PCCB: variants seen among roughly 807,000 people sequenced by gnomAD.
PCCB encodes the protein propionyl-CoA carboxylase subunit beta, also known as propionyl-CoA carboxylase beta chain, mitochondrial.
PCCB carries 43 observed loss-of-function variants against 60.7 expected under a neutral mutation model. The observed-to-expected ratio is 0.71, with a 90% CI of 0.55 to 0.91. PCCB has a LOEUF of 0.91. Ranked by LOEUF, PCCB falls within the 40% of genes least tolerant of loss-of-function variation. PCCB has a pLI of 0.00. For synonymous variants in PCCB, 276 were observed against 255.9 expected (o/e 1.08, Z -0.75); for missense variants, 766 against 702.8 (o/e 1.09, Z -1.02).
intron 8 of PCCB, among the ~76,000 whole-genome samples, chr3:136,299,861 T>G (rs552849052): frequency 6.6e-6 from 1 of 151,432 alleles, no homozygotes; most frequent in East Asian, 2.0e-4. Context: ...CATGCATATG[T>G]ATGTATATGC....
At chr3:136,252,289 A>T (rs772058563) in intron 1 of PCCB, 2 of 451,388 alleles carry the variant, frequency 4.4e-6, no homozygotes, top group Non-Finnish European at 8.9e-6. Context: ...GACAGAGTTC[A>T]CTCTGTTGCC....
chr3:136,317,165 C>A, intron 10 of PCCB, 101 bp downstream of exon 10: 3 of 1,083,336 alleles, frequency 2.8e-6, no homozygotes, highest in Non-Finnish European at 4.1e-6. Context: ...TCAGACATGG[C>A]CTTCCATGAC....
chr3:136,308,952 C>T (rs1934551774), intron 9 of PCCB, among the ~76,000 whole-genome samples: 1 of 151,996 alleles, frequency 6.6e-6, no homozygotes, highest in Non-Finnish European at 1.5e-5. Context: ...TTTCCTGAAA[C>T]AGTAAAAATC....
Position 136,298,012 on chromosome 3 carries a change from T to TC in PCCB, c.825dup (p.Asn276GlnfsTer15), listed in dbSNP as rs748393514. On this transcript the variant is annotated frameshift_variant, in exon 8 of 15. Transcript: ENST00000251654. LOFTEE classifies it high-confidence loss of function. ...GCCTTGTGTAATCTCCGGGATTTCT[T>TC]CAACTACCTGCCCCTGAGCAGTCAG... 5 of 1,614,030 alleles carry TC rather than the reference T, an allele frequency of 3.1e-6. No homozygotes were observed. In the African/African-American group the frequency reaches 4.0e-5, roughly 13 times the overall value.
At chr3:136,290,179 A>T (rs571727348) in intron 6 of PCCB, among the ~76,000 whole-genome samples, 1 of 152,200 alleles carries the variant, frequency 6.6e-6, no homozygotes, top group Admixed American at 6.5e-5. Context: ...TCTGTAAAGA[A>T]TTTTGCTTAA....
intron 5 of PCCB, among the ~76,000 whole-genome samples, chr3:136,269,440 A>G (rs1942128071): frequency 6.6e-6 from 1 of 151,942 alleles, no homozygotes; most frequent in Non-Finnish European, 1.5e-5. Context: ...GTATGTGTGT[A>G]TTTCTTTGGA....
At chr3:136,273,667 CT>C (rs1942264540) in intron 5 of PCCB, among the ~76,000 whole-genome samples, 1 of 115,722 alleles carries the variant, frequency 8.6e-6, no homozygotes, top group Admixed American at 1.2e-4. Context: ...AGAATAGCTA[CT>C]TTGCGAGGCC....
intron 9 of PCCB, among the ~76,000 whole-genome samples, chr3:136,308,566 G>T (rs1934534337): frequency 6.6e-6 from 1 of 152,136 alleles, no homozygotes; most frequent in Non-Finnish European, 1.5e-5. Flanking sequence ...TAATTTAGGA[G>T]ACCTAAATAA....
intron 1 of PCCB, chr3:136,251,312 C>A (rs1201514520): frequency 2.2e-6 from 1 of 456,528 alleles, no homozygotes; most frequent in Non-Finnish European, 4.4e-6. Context: ...GACTTGAAAC[C>A]AGGCTTGCCC....
intron 6 of PCCB, among the ~76,000 whole-genome samples, chr3:136,285,384 G>T (rs964946090): frequency 6.6e-6 from 1 of 151,866 alleles, no homozygotes; most frequent in Non-Finnish European, 1.5e-5. Flanking sequence ...TCTGTCCGTT[G>T]GTACTAGATC....
Position 136,261,986 on chromosome 3 carries a change from T to C in PCCB, c.464T>C (p.Val155Ala). The stretch of plus-strand genomic sequence containing the variant: ...CAGGCCATAACGGTGGGGGCTCCAG[T>C]GATTGGGCTGAATGACTCTGGGGGA... ...MDQAITVGAP[V>A]IGLNDSGGAR... The change falls in exon 5 of 15, where the codon GTG becomes GCG. Residue 155 changes from valine (V) to alanine (A), a missense_variant. Transcript: ENST00000251654. 6.4e-7 allele frequency: 1 copy of C among 1,561,276 alleles called. No individual in the cohort carries two copies. The highest frequency in any genetic ancestry group is 8.7e-7 in the Non-Finnish European group (1 of 1,151,526).
Position 136,250,653 on chromosome 3 carries a change from C to A in PCCB, c.183+95C>A, listed in dbSNP as rs1941489700. On this transcript the variant is annotated intron_variant, in intron 1 of 14. Transcript: ENST00000251654. ...CGGCGTCCGAGGCCTCCCTGCCAAT[C>A]CGCACGGTGCCTGGAGGGGCCGGAG... 2.4e-6 allele frequency: 3 copies of A among 1,268,206 alleles called. No individual in the cohort carries two copies. The African/African-American group carries it at 4.5e-5, about 19-fold the overall frequency. 78.6% of individuals were successfully genotyped at this position (1,268,206 alleles called of 1,614,324 possible). A position where few individuals can be genotyped will look rare whatever the true frequency, so the allele number is the denominator to read the frequency against.
intron 5 of PCCB, among the ~76,000 whole-genome samples, chr3:136,274,151 A>G (rs1250853147): frequency 3.3e-5 from 5 of 151,788 alleles, no homozygotes; most frequent in African/African-American, 1.2e-4. Flanking sequence ...GAGATGTGAG[A>G]TACTGATCTG....
rs1283770518 is a variant in PCCB, at chr3:136,328,837, C to T, written c.1478C>T (p.Pro493Leu). Residue 493 changes from proline to leucine, a missense_variant, in exon 14 of 15, where the codon CCT becomes CTT. Coordinates refer to ENST00000251654, the MANE Select transcript of PCCB (RefSeq NM_000532.5). ...QAEYIEKFAN[P>L]FPAAVRGFVD... is the part of the protein sequence containing the mutation. ...GAGTACATCGAGAAGTTTGCCAACC[C>T]TTTCCCTGCAGCAGTGCGAGGTAGG... 1 of 1,613,856 alleles carries T rather than the reference C, an allele frequency of 6.2e-7. No individual in the cohort carries two copies. The highest frequency in any genetic ancestry group is 8.5e-7 in the Non-Finnish European group (1 of 1,179,816).
rs527340766 is a variant in PCCB, at chr3:136,270,363, C to T, written c.543+8298C>T. 1.1e-4 allele frequency among the ~76,000 whole-genome samples: 17 copies of T among 152,266 alleles called. No homozygotes were observed. The East Asian group carries it at 3.3e-3, about 29-fold the overall frequency. Reference sequence around the variant, plus strand: ...TTTTGGTTTTGGTATTACAGTAATTCTCACCTCATAGAATGAGTTGGAAGG... The same window carrying T: ...TTTTGGTTTTGGTATTACAGTAATTTTCACCTCATAGAATGAGTTGGAAGG... On this transcript the variant is annotated intron_variant, in intron 5 of 14. Coordinates refer to ENST00000251654, the MANE Select transcript of PCCB (RefSeq NM_000532.5).
chr3:136,281,603 C>G (rs779882619), intron 5 of PCCB, among the ~76,000 whole-genome samples: 1 of 151,962 alleles, frequency 6.6e-6, no homozygotes, highest in Non-Finnish European at 1.5e-5. Flanking sequence ...CTATTAAGTC[C>G]AATATCTGGG....
chr3:136,285,525 T>G (rs1483361461), intron 6 of PCCB, among the ~76,000 whole-genome samples: 1 of 152,098 alleles, frequency 6.6e-6, no homozygotes, highest in Non-Finnish European at 1.5e-5. Context: ...CGTGTTAATT[T>G]AGCTTTGTCC....
At chr3:136,320,894 T>G (rs894244040) in intron 10 of PCCB, among the ~76,000 whole-genome samples, 1 of 152,248 alleles carries the variant, frequency 6.6e-6, no homozygotes, top group Non-Finnish European at 1.5e-5. Flanking sequence ...CATGGTTGTC[T>G]TGTTCCTCAT....
intron 5 of PCCB, among the ~76,000 whole-genome samples, chr3:136,262,445 A>G (rs971541279): frequency 6.6e-6 from 1 of 152,186 alleles, no homozygotes; most frequent in African/African-American, 2.4e-5. Context: ...TTTTTAGTTA[A>G]AACACTACAG....
Sources: gnomAD v4.1 joint callset for allele counts (sites outside exome capture counted in the v4.1 genomes callset) on GRCh38, gnomAD v4.1.1 for gene constraint, MANE v1.5 for transcripts, NCBI Gene and HGNC (gene_info 2026-07-23, HGNC 2026-07-21) for gene names.